ADAMTSL1: variants seen among roughly 807,000 people sequenced by gnomAD.
ADAMTSL1 encodes the protein ADAMTS-like protein 1.
In ADAMTSL1, 126 loss-of-function variants were observed where a neutral mutation model predicts 201.8. That is an observed-to-expected ratio of 0.62 (90% confidence interval 0.54 to 0.72). The LOEUF (loss-of-function observed/expected upper bound fraction) is 0.72. Among genes scored for constraint, ADAMTSL1 ranks in the 30% least tolerant of loss-of-function variants. The pLI is 0.00. For synonymous variants in ADAMTSL1, 1,121 were observed against 903.4 expected (o/e 1.24, Z -4.32); for missense variants, 2,679 against 2,277.8 (o/e 1.18, Z -3.59).
intron 1 of ADAMTSL1, among the ~76,000 whole-genome samples, chr9:18,032,031 T>A (rs985086665): frequency 1.3e-5 from 2 of 152,220 alleles, no homozygotes; most frequent in African/African-American, 4.8e-5. Context: ...CTCCTTCTAG[T>A]GTCTTCCCTA....
intron 9 of ADAMTSL1, among the ~76,000 whole-genome samples, chr9:18,668,820 A>C (rs991904840): frequency 6.6e-6 from 1 of 152,190 alleles, no homozygotes; most frequent in African/African-American, 2.4e-5. Flanking sequence ...CTTCACATCC[A>C]TTATCTTATT....
chr9:18,288,308 G>A (rs540335471), intron 2 of ADAMTSL1, among the ~76,000 whole-genome samples: 16 of 152,168 alleles, frequency 1.1e-4, no homozygotes, highest in African/African-American at 3.6e-4. Flanking sequence ...ACCAAGTTGG[G>A]CGCACCATCT....
chr9:18,169,849 AGT>A (rs2132119597), intron 2 of ADAMTSL1, among the ~76,000 whole-genome samples: 1 of 152,164 alleles, frequency 6.6e-6, no homozygotes, highest in South Asian at 2.1e-4. Context: ...AAAGGAGAAT[AGT>A]GCATTGATTT....
At chr9:18,581,714 A>C (rs978404315) in intron 4 of ADAMTSL1, among the ~76,000 whole-genome samples, 1 of 152,192 alleles carries the variant, frequency 6.6e-6, no homozygotes, top group Non-Finnish European at 1.5e-5. Flanking sequence ...TTCCCACTCA[A>C]AAAGGGAAAA....
At chr9:18,284,148 G>T (rs929215750) in intron 2 of ADAMTSL1, among the ~76,000 whole-genome samples, 1 of 151,278 alleles carries the variant, frequency 6.6e-6, no homozygotes, top group Non-Finnish European at 1.5e-5. Flanking sequence ...AGAATTGCTC[G>T]AACCTGGGAG....
At chr9:18,408,538 G>A (rs1818300170) in intron 2 of ADAMTSL1, among the ~76,000 whole-genome samples, 1 of 152,090 alleles carries the variant, frequency 6.6e-6, no homozygotes, top group Non-Finnish European at 1.5e-5. Context: ...ACTATACTGG[G>A]CCCTGGTGAT....
intron 1 of ADAMTSL1, among the ~76,000 whole-genome samples, chr9:17,940,805 C>CA (rs1320559612): frequency 1.8e-5 from 1 of 56,590 alleles, no homozygotes; most frequent in Non-Finnish European, 3.5e-5. Context: ...AAATAACACC[C>CA]CCCCCCCAAA....
intron 17 of ADAMTSL1, among the ~76,000 whole-genome samples, chr9:18,773,770 C>T (rs1588083049): frequency 6.6e-6 from 1 of 152,214 alleles, no homozygotes; most frequent in African/African-American, 2.4e-5. Flanking sequence ...TGACCTGAAA[C>T]TCTGTTTTTA....
intron 4 of ADAMTSL1, among the ~76,000 whole-genome samples, chr9:18,589,135 C>A (rs1259910285): frequency 6.6e-6 from 1 of 151,794 alleles, no homozygotes; most frequent in African/African-American, 2.4e-5. Flanking sequence ...CCTTGGCCTC[C>A]CAAAGTGCTG....
At chr9:18,691,979 TG>T (rs376741319) in intron 13 of ADAMTSL1, among the ~76,000 whole-genome samples, 111 of 152,336 alleles carry the variant, frequency 7.3e-4, no homozygotes, top group African/African-American at 2.6e-3. Context: ...ATGGAGAAAT[TG>T]AGGCAGCTGT....
chr9:18,649,035 C>T (rs373678399), intron 7 of ADAMTSL1, among the ~76,000 whole-genome samples: 33 of 152,032 alleles, frequency 2.2e-4, no homozygotes, highest in African/African-American at 6.0e-4. Flanking sequence ...CAATCAGACG[C>T]AGATTTGGTC....
chr9:18,833,042 C>G (rs369829488), intron 23 of ADAMTSL1, among the ~76,000 whole-genome samples: 1 of 152,182 alleles, frequency 6.6e-6, no homozygotes, highest in Admixed American at 6.5e-5. Context: ...TTTTAGTTAT[C>G]GGACACCCTG....
At chr9:18,233,185 C>T (rs908876060) in intron 2 of ADAMTSL1, among the ~76,000 whole-genome samples, 5 of 152,160 alleles carry the variant, frequency 3.3e-5, no homozygotes, top group Non-Finnish European at 7.3e-5. Context: ...AAGGAAGGTT[C>T]AGTAATCCAG....
At position 18,776,785 on chromosome 9, in the gene ADAMTSL1, C is replaced by T. The variant is rs764092800; in HGVS notation, c.2556C>T (p.Pro852=). The change falls in exon 19 of 29, where the codon CCC becomes CCT. Residue 852 remains proline, a synonymous_variant. Coordinates refer to ENST00000380548, the MANE Select transcript of ADAMTSL1 (RefSeq NM_001040272.6). The part of the protein sequence containing the change: ...RPCMLATCAR[P]GRPSTKHSPH... ...TCGGGTTCGCTCTCCTTCCAGGGCCCGGGCGGCCATCCACGAAGCACAGCC... is the reference window on the plus strand; with the variant it reads ...TCGGGTTCGCTCTCCTTCCAGGGCCTGGGCGGCCATCCACGAAGCACAGCC... 1.3e-6 allele frequency: 2 copies of T among 1,546,428 alleles called. No homozygotes were observed. The highest frequency in any genetic ancestry group is 1.7e-6 in the Non-Finnish European group (2 of 1,146,648).
intron 1 of ADAMTSL1, among the ~76,000 whole-genome samples, chr9:18,162,347 A>T (rs1827428918): frequency 6.6e-6 from 1 of 152,014 alleles, no homozygotes; most frequent in Admixed American, 6.6e-5. Flanking sequence ...ATGTGATTAC[A>T]TTGGGCCTAC....
At chr9:18,769,286 C>T (rs1250819693) in intron 16 of ADAMTSL1, among the ~76,000 whole-genome samples, 1 of 152,200 alleles carries the variant, frequency 6.6e-6, no homozygotes, top group South Asian at 2.1e-4. Context: ...GCAGGTACTT[C>T]AGCACAAACT....
intron 1 of ADAMTSL1, among the ~76,000 whole-genome samples, chr9:17,966,632 C>G (rs1037216085): frequency 1.9e-4 from 29 of 152,150 alleles, no homozygotes; most frequent in African/African-American, 6.5e-4. Flanking sequence ...TTCTTTTTGT[C>G]TGTAGATTTC....
At chr9:18,152,901 A>G (rs903584256) in intron 1 of ADAMTSL1, among the ~76,000 whole-genome samples, 1 of 152,074 alleles carries the variant, frequency 6.6e-6, no homozygotes, top group African/African-American at 2.4e-5. Flanking sequence ...CCCTTGATTA[A>G]TCCCACGGAT....
Position 18,192,368 on chromosome 9 carries a change from A to G in ADAMTSL1, c.207+28387A>G, listed in dbSNP as rs138746192. 2.6e-3 allele frequency among the ~76,000 whole-genome samples: 391 copies of G among 152,256 alleles called. 2 individuals carry two copies. The highest frequency in any genetic ancestry group is 8.7e-3 in the African/African-American group (360 of 41,560). Reference sequence around the variant, plus strand: ...ATATTTCAGTTTCTTCAAATCCCCTAAAGAAGTCATATCAAATTGACTCTC... The same window carrying G: ...ATATTTCAGTTTCTTCAAATCCCCTGAAGAAGTCATATCAAATTGACTCTC... On this transcript the variant is annotated intron_variant, in intron 2 of 29. Transcript: ENST00000680146.
Sources: gnomAD v4.1 joint callset for allele counts (sites outside exome capture counted in the v4.1 genomes callset) on GRCh38, gnomAD v4.1.1 for gene constraint, MANE v1.5 for transcripts, NCBI Gene and HGNC (gene_info 2026-07-23, HGNC 2026-07-21) for gene names.